The following CTNNA2 variants were observed in gnomAD, a reference collection of about 807,000 sequenced individuals.
CTNNA2 encodes the protein catenin alpha-2.
Under a neutral mutation model 101.0 loss-of-function variants are expected in CTNNA2, and 42 were observed. That is an observed-to-expected ratio of 0.42 (90% CI 0.32 to 0.54). CTNNA2 has a LOEUF of 0.54. CTNNA2 is among the 20% of genes least tolerant of loss of function. The pLI is 0.14. For missense variants in CTNNA2, 871 were observed against 1,223.1 expected (o/e 0.71, Z 4.29); for synonymous variants, 450 against 456.4 (o/e 0.99, Z 0.18).
intron 3 of CTNNA2, chr2:79,312,897 T>C (rs576398144): frequency 1.3e-5 from 2 of 152,354 alleles, no homozygotes; most frequent in East Asian, 1.9e-4. Context: ...AGTTCCTTTT[T>C]TTCTCCTTTC....
chr2:80,545,503 G>C (rs1691977984), intron 10 of CTNNA2, among the ~76,000 whole-genome samples: 1 of 152,084 alleles, frequency 6.6e-6, no homozygotes, highest in South Asian at 2.1e-4. Flanking sequence ...CTGGGATTGT[G>C]CCACTATACT....
intron 3 of CTNNA2, among the ~76,000 whole-genome samples, chr2:79,760,450 T>A (rs1202945508): frequency 6.6e-6 from 1 of 152,174 alleles, no homozygotes; most frequent in Non-Finnish European, 1.5e-5. Context: ...TCTGACAGGC[T>A]GGAAACTCAA....
chr2:80,587,481 C>A (rs1314784103), intron 14 of CTNNA2, among the ~76,000 whole-genome samples: 1 of 152,074 alleles, frequency 6.6e-6, no homozygotes, highest in East Asian at 1.9e-4. Context: ...ATTTGCTGCC[C>A]ACCATCACCT....
At chr2:79,971,989 A>T (rs1382635865) in intron 7 of CTNNA2, among the ~76,000 whole-genome samples, 7 of 152,178 alleles carry the variant, frequency 4.6e-5, no homozygotes. Context: ...TTCTTGCAAC[A>T]CAAAGGCAGG....
intron 10 of CTNNA2, among the ~76,000 whole-genome samples, chr2:80,545,468 C>A (rs1428777990): frequency 6.6e-6 from 1 of 152,146 alleles, no homozygotes; most frequent in Non-Finnish European, 1.5e-5. Context: ...ATTGCTGGGG[C>A]TCAGGAGTTC....
chr2:80,212,686 T>G (rs1403713751), intron 7 of CTNNA2, among the ~76,000 whole-genome samples: 1 of 152,180 alleles, frequency 6.6e-6, no homozygotes, highest in Non-Finnish European at 1.5e-5. Context: ...TCTCTTTTTT[T>G]GTTGTGTCTC....
rs70940067 is a variant in CTNNA2, at chr2:79,988,466, ATGTGTGTG to A, written c.1056+78697_1056+78704del. 4.3e-3 allele frequency among the ~76,000 whole-genome samples: 647 copies of A among 149,120 alleles called. 3 individuals are homozygous for A. The highest frequency in any genetic ancestry group is 0.014 in the East Asian group (68 of 4,994). On this transcript the variant is annotated intron_variant, in intron 7 of 18. Coordinates refer to ENST00000402739, the MANE Select transcript of CTNNA2 (RefSeq NM_001282597.3). ...GCTCTTCTATATGAAGTGTATGTGT[ATGTGTGTG>A]TGTGTGTGTGTGTGTGTGTGTGTGT...
At chr2:80,155,159 A>G (rs1363245364) in intron 7 of CTNNA2, among the ~76,000 whole-genome samples, 1 of 152,314 alleles carries the variant, frequency 6.6e-6, no homozygotes, top group South Asian at 2.1e-4. Context: ...CTAGGCTTTC[A>G]CAGAAATGTG....
chr2:79,217,660 C>A (rs1335164215), intron 2 of CTNNA2, among the ~76,000 whole-genome samples: 1 of 152,138 alleles, frequency 6.6e-6, no homozygotes, highest in Non-Finnish European at 1.5e-5. Flanking sequence ...TGTGTACGTG[C>A]AGGTCACAGG....
intron 7 of CTNNA2, among the ~76,000 whole-genome samples, chr2:80,348,844 T>C (rs1008695997): frequency 5.3e-5 from 8 of 151,952 alleles, no homozygotes; most frequent in African/African-American, 1.9e-4. Context: ...GTGCGCTGGG[T>C]AGGGTAGCTT....
At chr2:79,201,257 A>C (rs2104180312) in intron 2 of CTNNA2, among the ~76,000 whole-genome samples, 1 of 152,322 alleles carries the variant, frequency 6.6e-6, no homozygotes, top group South Asian at 2.1e-4. Flanking sequence ...ACAGTTAAGC[A>C]AAACAAATGA....
At chr2:79,792,129 C>T (rs1175100591) in intron 3 of CTNNA2, among the ~76,000 whole-genome samples, 1 of 152,064 alleles carries the variant, frequency 6.6e-6, no homozygotes, top group Non-Finnish European at 1.5e-5. Context: ...GGAAATATAG[C>T]CGTGTAGGTG....
intron 4 of CTNNA2, among the ~76,000 whole-genome samples, chr2:79,453,304 G>A (rs1193435838): frequency 6.6e-6 from 1 of 152,138 alleles, no homozygotes; most frequent in Non-Finnish European, 1.5e-5. Context: ...AAAAGGAATA[G>A]CTCTGCCTAA....
intron 4 of CTNNA2, among the ~76,000 whole-genome samples, chr2:79,504,555 G>A (rs1036648301): frequency 6.6e-6 from 1 of 152,104 alleles, no homozygotes; most frequent in African/African-American, 2.4e-5. Flanking sequence ...CTCCCAAAGT[G>A]CTGCGATTAC....
At chr2:80,256,119 C>A (rs1672119979) in intron 7 of CTNNA2, among the ~76,000 whole-genome samples, 1 of 152,102 alleles carries the variant, frequency 6.6e-6, no homozygotes, top group Admixed American at 6.6e-5. Context: ...CAGCCACTCT[C>A]CCTTTATTAA....
intron 2 of CTNNA2, among the ~76,000 whole-genome samples, chr2:79,703,297 TA>T (rs1287281291): frequency 6.6e-6 from 1 of 152,208 alleles, no homozygotes; most frequent in Non-Finnish European, 1.5e-5. Flanking sequence ...ATTAGTAGCT[TA>T]AAAGATTGTA....
chr2:79,852,837 G>T (rs1362211028), intron 3 of CTNNA2, among the ~76,000 whole-genome samples: 2 of 152,076 alleles, frequency 1.3e-5, no homozygotes, highest in South Asian at 4.1e-4. Flanking sequence ...TGATCCAACC[G>T]CCTCAGCCTC....
chr2:80,377,579 G>C (rs963540515), intron 7 of CTNNA2, among the ~76,000 whole-genome samples: 1 of 152,196 alleles, frequency 6.6e-6, no homozygotes, highest in Non-Finnish European at 1.5e-5. Context: ...ATGTGGGAGA[G>C]CATGAAGGTT....
At chr2:79,800,928 CT>C (rs1676107663) in intron 3 of CTNNA2, among the ~76,000 whole-genome samples, 1 of 152,092 alleles carries the variant, frequency 6.6e-6, no homozygotes, top group Non-Finnish European at 1.5e-5. Flanking sequence ...AGAACTGGTC[CT>C]GAAGACTTTG....
Sources: gnomAD v4.1 joint callset for allele counts (sites outside exome capture counted in the v4.1 genomes callset) on GRCh38, gnomAD v4.1.1 for gene constraint, MANE v1.5 for transcripts, NCBI Gene and HGNC (gene_info 2026-07-23, HGNC 2026-07-21) for gene names.